The following PDZD2 variants were observed in gnomAD, a reference collection of about 807,000 sequenced individuals.
PDZD2 encodes PDZ domain containing 2, also known as PDZ domain-containing protein 2.
In PDZD2, 90 loss-of-function variants were observed where a neutral mutation model predicts 220.7. The ratio of observed to expected loss-of-function variants is 0.41; its 90% CI spans 0.34 to 0.49. The LOEUF is 0.49. Ranked by LOEUF, PDZD2 falls within the 20% of genes least tolerant of loss-of-function variation. The pLI is 0.28. For synonymous variants in PDZD2, 1,375 were observed against 1,450.5 expected (o/e 0.95, Z 1.18); for missense variants, 3,174 against 3,608.5 (o/e 0.88, Z 3.08).
intron 6 of PDZD2, among the ~76,000 whole-genome samples, chr5:32,021,588 G>T (rs1242101785): frequency 6.6e-6 from 1 of 152,058 alleles, no homozygotes; most frequent in Non-Finnish European, 1.5e-5. Flanking sequence ...ATGAGCCACC[G>T]CATCTGGCCT....
At chr5:31,652,772 A>G (rs1745398793) in intron 1 of PDZD2, among the ~76,000 whole-genome samples, 1 of 152,184 alleles carries the variant, frequency 6.6e-6, no homozygotes, top group Non-Finnish European at 1.5e-5. Flanking sequence ...GCACTTTGGG[A>G]GGCCAAGGCA....
intron 2 of PDZD2, among the ~76,000 whole-genome samples, chr5:31,802,594 A>G (rs1261022445): frequency 1.3e-5 from 2 of 152,188 alleles, no homozygotes; most frequent in African/African-American, 4.8e-5. Flanking sequence ...TCTATAACAT[A>G]CCTGAGATTT....
chr5:31,893,682 T>A (rs1373901907), intron 2 of PDZD2, among the ~76,000 whole-genome samples: 1 of 152,240 alleles, frequency 6.6e-6, no homozygotes, highest in East Asian at 1.9e-4. Context: ...TGTCTTAAAG[T>A]ATAAATCACC....
intron 2 of PDZD2, chr5:31,923,676 T>C: frequency 1.5e-6 from 1 of 649,696 alleles, no homozygotes; most frequent in Non-Finnish European, 2.9e-6. Context: ...TGTAGCAGAG[T>C]GGAACTTGTA....
intron 2 of PDZD2, among the ~76,000 whole-genome samples, chr5:31,869,472 A>G (rs918352827): frequency 3.3e-5 from 5 of 151,856 alleles, no homozygotes; most frequent in African/African-American, 9.6e-5. Flanking sequence ...CTGAGGCAGG[A>G]GAATGGCCGT....
At chr5:32,073,496 A>C (rs1740952897) in intron 17 of PDZD2, among the ~76,000 whole-genome samples, 1 of 152,034 alleles carries the variant, frequency 6.6e-6, no homozygotes, top group Non-Finnish European at 1.5e-5. Context: ...AGCAGCATTT[A>C]GGTTAAACCC....
At chr5:31,988,827 C>T (rs1477747670) in intron 3 of PDZD2, among the ~76,000 whole-genome samples, 1 of 152,154 alleles carries the variant, frequency 6.6e-6, no homozygotes, top group Non-Finnish European at 1.5e-5. Context: ...TCCCCTCTCC[C>T]ACGTCGCTTA....
intron 1 of PDZD2, among the ~76,000 whole-genome samples, chr5:31,645,740 A>C (rs1360566717): frequency 6.6e-6 from 1 of 152,128 alleles, no homozygotes; most frequent in Non-Finnish European, 1.5e-5. Context: ...TGGCCTCAGG[A>C]CAGCCATCAT....
intron 2 of PDZD2, among the ~76,000 whole-genome samples, chr5:31,941,714 T>G (rs917192689): frequency 2.6e-5 from 4 of 152,246 alleles, no homozygotes; most frequent in African/African-American, 4.8e-5. Context: ...GCTGTTTTCA[T>G]ACTGCTGAGA....
intron 14 of PDZD2, among the ~76,000 whole-genome samples, chr5:32,065,925 G>A (rs1192531414): frequency 1.3e-5 from 2 of 151,974 alleles, no homozygotes; most frequent in Non-Finnish European, 1.5e-5. Flanking sequence ...ACTCGGGGCC[G>A]AGGCAGGAGA....
intron 2 of PDZD2, among the ~76,000 whole-genome samples, chr5:31,881,324 A>ATGTG (rs1173134666): frequency 1.1e-4 from 13 of 118,548 alleles, no homozygotes; most frequent in Admixed American, 5.2e-4. Flanking sequence ...ATTTCCATAT[A>ATGTG]TATGTGTGTG....
At chr5:32,059,787 T>C (rs1239586108) in intron 13 of PDZD2, among the ~76,000 whole-genome samples, 1 of 152,202 alleles carries the variant, frequency 6.6e-6, no homozygotes. Flanking sequence ...GAGGCATTTC[T>C]TATTAAGTAT....
At chr5:31,850,214 GTATATATATAAGTATATA>G (rs1757954148) in intron 2 of PDZD2, among the ~76,000 whole-genome samples, 1 of 84,224 alleles carries the variant, frequency 1.2e-5, no homozygotes, top group Admixed American at 1.3e-4. Context: ...GTATATATGT[GTATATATATAAGTATATA>G]TATATATATA....
chr5:31,799,206 G>T lies in PDZD2; in HGVS notation c.-43G>T. 7.0e-7 allele frequency: 1 copy of T among 1,420,418 alleles called. No homozygotes were observed. 88.0% of individuals were successfully genotyped at this position (1,420,418 alleles called of 1,614,324 possible). ...GGGGCCCTGTGGGGTCTGGCCCCCA[G>T]GAGCAAGACCTCTGATGATGCTGGT... On this transcript the variant is annotated 5_prime_UTR_variant, in exon 2 of 25. It adds an upstream start codon to the 5' untranslated region. Transcript: ENST00000438447.
rs367864245 is a variant in PDZD2 at position 31,927,421 on chromosome 5, G to A, written c.477-55734G>A. ...TTTGTTTGAGACAGTGTCTCACTCT[G>A]TCACCCAGGCTGGAGTGCAGTGGCA... On this transcript the variant is annotated intron_variant, in intron 2 of 24. Coordinates refer to ENST00000438447, the MANE Select transcript of PDZD2 (RefSeq NM_178140.4). Among the ~76,000 whole-genome samples the A allele has an allele frequency of 3.5e-4, 54 of 152,170 alleles. No homozygotes were observed. The East Asian group carries it at 7.6e-3, about 21-fold the overall frequency.
chr5:31,830,575 C>T (rs1053917663), intron 2 of PDZD2, among the ~76,000 whole-genome samples: 4 of 152,052 alleles, frequency 2.6e-5, no homozygotes, highest in Non-Finnish European at 2.9e-5. Flanking sequence ...TTCTGTCAAG[C>T]TCCTCCTGCC....
chr5:31,880,791 C>CTTTTTTTCTT (rs1580978227), intron 2 of PDZD2, among the ~76,000 whole-genome samples: 39 of 76,452 alleles, frequency 5.1e-4, no homozygotes, highest in Non-Finnish European at 7.1e-4. Flanking sequence ...TTTTTTTTTT[C>CTTTTTTTCTT]TTTTTTTTTT....
At chr5:31,840,259 A>AAAAC (rs1456648485) in intron 2 of PDZD2, among the ~76,000 whole-genome samples, 2 of 140,038 alleles carry the variant, frequency 1.4e-5, no homozygotes, top group Non-Finnish European at 3.1e-5. Context: ...AAAACAAAAC[A>AAAAC]AAAAAACCAC....
At chr5:32,025,481 C>T (rs1056718199) in intron 6 of PDZD2, among the ~76,000 whole-genome samples, 68 of 149,932 alleles carry the variant, frequency 4.5e-4, no homozygotes, top group Admixed American at 6.0e-4. Context: ...GCCAAGATCG[C>T]GCCATTGCAC....
Sources: allele counts gnomAD v4.1 joint callset (sites outside exome capture counted in the v4.1 genomes callset), GRCh38; gene constraint gnomAD v4.1.1; transcripts MANE v1.5; gene names NCBI Gene and HGNC (gene_info 2026-07-23, HGNC 2026-07-21).